The following PRLR variants were observed in gnomAD, a reference collection of about 807,000 sequenced individuals.
The protein encoded by PRLR is hPRL receptor.
Under a neutral mutation model 40.2 loss-of-function variants are expected in PRLR, and 13 were observed. The ratio of observed to expected loss-of-function variants is 0.32; its 90% CI spans 0.21 to 0.51. PRLR has a LOEUF of 0.51. PRLR is among the 20% of genes least tolerant of loss of function. PRLR has a pLI of 0.97. For missense variants in PRLR, 656 were observed against 747.3 expected, an observed-to-expected ratio of 0.88 and a Z score of 1.42; for synonymous variants, 269 against 278.7, an observed-to-expected ratio of 0.97 and a Z score of 0.35.
chr5:35,090,562 T>G (rs1420869790), intron 2 of PRLR, among the ~76,000 whole-genome samples: 1 of 151,832 alleles, frequency 6.6e-6, no homozygotes, highest in Non-Finnish European at 1.5e-5. Flanking sequence ...AAATTTCTCT[T>G]TAAATTTTTA....
intron 1 of PRLR, among the ~76,000 whole-genome samples, chr5:35,174,275 A>G (rs1045180813): frequency 1.3e-5 from 2 of 152,108 alleles, no homozygotes; most frequent in Admixed American, 6.5e-5. Context: ...ATTTTAGTGG[A>G]GACGGAGTTT....
At chr5:35,211,758 T>C (rs1448544032) in intron 1 of PRLR, among the ~76,000 whole-genome samples, 1 of 152,244 alleles carries the variant, frequency 6.6e-6, no homozygotes, top group Non-Finnish European at 1.5e-5. Flanking sequence ...TAAATATTCA[T>C]GAATTAACCA....
chr5:35,137,922 G>T (rs935674887), intron 1 of PRLR, among the ~76,000 whole-genome samples: 2 of 152,152 alleles, frequency 1.3e-5, no homozygotes, highest in Non-Finnish European at 2.9e-5. Context: ...ATGACAGAGC[G>T]AGACTCCATC....
At chr5:35,108,976 G>A (rs918086048) in intron 2 of PRLR, among the ~76,000 whole-genome samples, 1 of 152,146 alleles carries the variant, frequency 6.6e-6, no homozygotes, top group Admixed American at 6.6e-5. Flanking sequence ...ATACTACAAG[G>A]CTACAGTAAC....
In PRLR at chr5:35,060,794, T is replaced by C. The variant is rs1325604434; in HGVS notation, c.*4295A>G. On this transcript the variant is annotated 3_prime_UTR_variant, in exon 10 of 10. Coordinates refer to ENST00000618457, the MANE Select transcript of PRLR (RefSeq NM_000949.7). ...TGGGATGGTAATTCAAAGTCATTTA[T>C]ATTTTTCTGTTTGTGTACAAAGTTC... The C allele has an allele frequency of 6.6e-6, 1 of 152,252 alleles. No homozygotes were observed. Among genetic ancestry groups the C allele is most frequent in the Non-Finnish European group, 1.5e-5 (1 of 68,050 alleles). The allele number at this position is 152,252 out of a possible 1,614,324, so 9.4% of individuals were successfully genotyped here. A position where few individuals can be genotyped will look rare whatever the true frequency, so the allele number is the denominator to read the frequency against.
In PRLR at chr5:35,056,577, A is replaced by G. The variant is rs1045674127; in HGVS notation, c.*8512T>C. ...TGACAAAGTTAAGGTGTCAGATGGG[A>G]TTCTGGCAAGATGTGGCAATATTTA... is the stretch of plus-strand genomic sequence containing the variant. On this transcript the variant is annotated 3_prime_UTR_variant, in exon 10 of 10. Transcript: ENST00000618457. 4 of 152,174 alleles carry G rather than the reference A, an allele frequency of 2.6e-5. No homozygotes were observed. Among genetic ancestry groups the G allele is most frequent in the Non-Finnish European group, 5.9e-5 (4 of 68,024 alleles). The allele number at this position is 152,174 out of a possible 1,614,324, so 9.4% of individuals were successfully genotyped here. A position where few individuals can be genotyped will look rare whatever the true frequency, so the allele number is the denominator to read the frequency against.
chr5:35,164,147 TCTC>T (rs1774754818), intron 1 of PRLR, among the ~76,000 whole-genome samples: 1 of 152,222 alleles, frequency 6.6e-6, no homozygotes, highest in Non-Finnish European at 1.5e-5. Context: ...ACTGTCCACG[TCTC>T]CTTGGCCACT....
intron 1 of PRLR, among the ~76,000 whole-genome samples, chr5:35,211,558 C>T (rs528499507): frequency 6.6e-6 from 1 of 152,208 alleles, no homozygotes; most frequent in Admixed American, 6.5e-5. Flanking sequence ...CTTCCCAATA[C>T]CATAATAATG....
At chr5:35,107,413 C>T (rs1360716469) in intron 2 of PRLR, among the ~76,000 whole-genome samples, 1 of 151,860 alleles carries the variant, frequency 6.6e-6, no homozygotes, top group East Asian at 1.9e-4. Flanking sequence ...ACAAAAAGCT[C>T]TTCAAAAAAT....
Position 35,068,207 on chromosome 5 carries a change from T to G in PRLR, c.855+9A>C. 3 of 1,607,026 alleles carry G rather than the reference T, an allele frequency of 1.9e-6. No individual in the cohort carries two copies. The highest frequency in any genetic ancestry group is 2.6e-6 in the Non-Finnish European group (3 of 1,173,582). ...AGTCACACTCCATTTTTTTGCCTCC[T>G]GTACTTACCTCCAACAGATGAGCAT... On this transcript the variant is annotated intron_variant, in intron 9 of 9. Transcript: ENST00000618457.
intron 1 of PRLR, among the ~76,000 whole-genome samples, chr5:35,173,025 A>G (rs1420680551): frequency 6.6e-6 from 1 of 152,076 alleles, no homozygotes; most frequent in Non-Finnish European, 1.5e-5. Flanking sequence ...CTAGTGTTGC[A>G]ATTGTTCTTA....
intron 2 of PRLR, among the ~76,000 whole-genome samples, chr5:35,114,645 G>T (rs1772899445): frequency 6.6e-6 from 1 of 152,178 alleles, no homozygotes; most frequent in Non-Finnish European, 1.5e-5. Flanking sequence ...TGTCACTAGG[G>T]TGGAGATTTC....
chr5:35,219,359 CT>C (rs1376778889), intron 1 of PRLR, among the ~76,000 whole-genome samples: 1 of 152,148 alleles, frequency 6.6e-6, no homozygotes, highest in Non-Finnish European at 1.5e-5. Context: ...GACTTAACCT[CT>C]TTTTTTGCCT....
rs1451587004 is a variant in PRLR at position 35,065,387 on chromosome 5, A to C, written c.1571T>G (p.Leu524Arg). ...GCCGCTGTTCTCTCTCTGTTTTGGTAGCAATGATAATGCACCATCTTTGTT... is the reference window on the plus strand; with the variant it reads ...GCCGCTGTTCTCTCTCTGTTTTGGTCGCAATGATAATGCACCATCTTTGTT... The part of the protein sequence containing the change: ...KVNKDGALSL[L>R]PKQRENSGKP... Residue 524 changes from leucine to arginine, a missense_variant, in exon 10 of 10, where the codon CTA becomes CGA. By Grantham distance (102) the Leu-to-Arg change is moderately radical. Around this residue, in one of 3 missense-constraint regions of PRLR, gnomAD observed 469 missense variants for 491.5 expected, o/e 0.95. Transcript: ENST00000618457. The C allele has an allele frequency of 6.2e-7, 1 of 1,614,176 alleles. No homozygotes were observed. Among genetic ancestry groups the C allele is most frequent in the Non-Finnish European group, 8.5e-7 (1 of 1,180,028 alleles).
At position 35,086,975 on chromosome 5, in the gene PRLR, C is replaced by A. The variant is rs191768715; in HGVS notation, c.71-635G>T. 3.2e-4 allele frequency among the ~76,000 whole-genome samples: 49 copies of A among 152,086 alleles called. No homozygotes were observed. The East Asian group carries it at 9.1e-3, about 28-fold the overall frequency. On this transcript the variant is annotated intron_variant, in intron 3 of 9. Transcript: ENST00000618457. Reference sequence around the variant, plus strand: ...TTCCTCTTTCCCCATCTTCTCCTTTCCTTCCCCTTTCCCTTCACTTTTTCT... The same window carrying A: ...TTCCTCTTTCCCCATCTTCTCCTTTACTTCCCCTTTCCCTTCACTTTTTCT...
intron 2 of PRLR, among the ~76,000 whole-genome samples, chr5:35,100,280 T>TA (rs960325053): frequency 6.6e-6 from 1 of 151,832 alleles, no homozygotes; most frequent in Non-Finnish European, 1.5e-5. Context: ...GAAAAAAATT[T>TA]AAAAAAAATT....
intron 8 of PRLR, among the ~76,000 whole-genome samples, chr5:35,050,683 C>T (rs769116901): frequency 2.6e-5 from 4 of 152,138 alleles, no homozygotes; most frequent in Non-Finnish European, 5.9e-5. Context: ...TCAGTTAAGT[C>T]CTGAGTGTAA....
In PRLR at chr5:35,068,875, A is replaced by G. The variant is rs1769565925; in HGVS notation, c.689T>C (p.Phe230Ser). Residue 230 changes from phenylalanine (F) to serine (S), a missense_variant, in exon 8 of 10, where the codon TTC (phenylalanine) becomes TCC (serine). Transcript: ENST00000618457. ...PATFIQIPSD[F>S]TMNDTTVWIS... is the part of the protein sequence containing the mutation. ...CCACACGGTTGTATCATTCATGGTGAAGTCTAAAAAACAAACAGCCAGAAA... is the reference window on the plus strand; with the variant it reads ...CCACACGGTTGTATCATTCATGGTGGAGTCTAAAAAACAAACAGCCAGAAA... 2 of 1,607,630 alleles carry G rather than the reference A, an allele frequency of 1.2e-6. No individual in the cohort carries two copies. The highest frequency in any genetic ancestry group is 8.5e-7 in the Non-Finnish European group (1 of 1,174,260).
At position 35,063,185 on chromosome 5, in the gene PRLR, TA is replaced by T. The variant is rs1769145016; in HGVS notation, c.*1903del. 1 of 152,216 alleles carries T rather than the reference TA, an allele frequency of 6.6e-6. No homozygotes were observed. Among genetic ancestry groups the T allele is most frequent in the African/African-American group, 2.4e-5 (1 of 41,450 alleles). The allele number at this position is 152,216 out of a possible 1,614,324, so 9.4% of individuals were successfully genotyped here. A position where few individuals can be genotyped will look rare whatever the true frequency, so the allele number is the denominator to read the frequency against. On this transcript the variant is annotated 3_prime_UTR_variant, in exon 10 of 10. Coordinates refer to ENST00000618457, the MANE Select transcript of PRLR (RefSeq NM_000949.7). Reference sequence around the variant, plus strand: ...GGACAACTTTCCCACACGCTTCCCTTACTCACATGATATTGTTTATATATTA... The same window carrying T: ...GGACAACTTTCCCACACGCTTCCCTTCTCACATGATATTGTTTATATATTA...
Sources: gnomAD v4.1 joint callset for allele counts (sites outside exome capture counted in the v4.1 genomes callset) on GRCh38, gnomAD v4.1.1 for gene constraint, gnomAD v4.1.1 regional missense constraint, MANE v1.5 for transcripts, NCBI Gene and HGNC (gene_info 2026-07-23, HGNC 2026-07-21) for gene names.